GDA: variants seen among roughly 807,000 people sequenced by gnomAD.
GDA encodes the protein guanine deaminase, also known as cytoplasmic PSD-95 interactor.
Under a neutral mutation model 59.6 loss-of-function variants are expected in GDA, and 18 were observed. The observed-to-expected ratio is 0.30, with a 90% CI of 0.21 to 0.45. The LOEUF (loss-of-function observed/expected upper bound fraction) is 0.45. Ranked by LOEUF, GDA falls within the 20% of genes least tolerant of loss-of-function variation. GDA has a pLI of 1.00. For missense variants in GDA, 427 were observed against 552.3 expected, an observed-to-expected ratio of 0.77 and a Z score of 2.27; for synonymous variants, 201 against 201.1, an observed-to-expected ratio of 1.00 and a Z score of 0.00.
intron 3 of GDA, among the ~76,000 whole-genome samples, chr9:72,203,221 T>C (rs1425132727): frequency 6.6e-6 from 1 of 152,244 alleles, no homozygotes; most frequent in Non-Finnish European, 1.5e-5. Flanking sequence ...CTTAGAATAG[T>C]GCCTAGCACA....
At chr9:72,164,209 A>G (rs1254820796) in intron 1 of GDA, among the ~76,000 whole-genome samples, 1 of 152,212 alleles carries the variant, frequency 6.6e-6, no homozygotes, top group Non-Finnish European at 1.5e-5. Context: ...CAGGAACTAG[A>G]CTAATTCCTC....
chr9:72,144,885 T>C (rs1261210778), upstream of GDA, among the ~76,000 whole-genome samples: 1 of 151,564 alleles, frequency 6.6e-6, no homozygotes, highest in Admixed American at 6.6e-5. Context: ...ATTTTTGGTG[T>C]ATCTTTTTTT....
chr9:72,212,468 T>G (rs1379535424), intron 4 of GDA, among the ~76,000 whole-genome samples: 1 of 150,766 alleles, frequency 6.6e-6, no homozygotes, highest in East Asian at 1.9e-4. Flanking sequence ...GGCGACAGAG[T>G]GAGACGCCAC....
chr9:72,195,661 A>T, intron 2 of GDA, 73 bp downstream of exon 2: 1 of 537,788 alleles, frequency 1.9e-6, no homozygotes, highest in South Asian at 3.1e-5. Context: ...GCCTTGAGAG[A>T]CAGAGAGACT....
intron 1 of GDA, among the ~76,000 whole-genome samples, chr9:72,121,260 C>T (rs192578861): frequency 2.6e-5 from 4 of 152,086 alleles, no homozygotes; most frequent in East Asian, 1.9e-4. Flanking sequence ...ATGCAACATG[C>T]GTGTGGCAAA....
intron 5 of GDA, among the ~76,000 whole-genome samples, chr9:72,217,884 G>A (rs139423865): frequency 6.6e-6 from 1 of 151,734 alleles, no homozygotes; most frequent in East Asian, 1.9e-4. Flanking sequence ...ACAAGAAATT[G>A]TATTGGTTTA....
intron 1 of GDA, among the ~76,000 whole-genome samples, chr9:72,120,106 T>G (rs1251605487): frequency 6.6e-6 from 1 of 152,144 alleles, no homozygotes; most frequent in Non-Finnish European, 1.5e-5. Context: ...TAAAGATCAG[T>G]GTAAGTGCAC....
chr9:72,128,576 A>G (rs1378164169), intron 1 of GDA, among the ~76,000 whole-genome samples: 1 of 152,182 alleles, frequency 6.6e-6, no homozygotes, highest in Non-Finnish European at 1.5e-5. Flanking sequence ...TGTAACATAT[A>G]TATAATATCA....
chr9:72,243,813 G>T (rs1445611514), intron 11 of GDA, among the ~76,000 whole-genome samples: 4 of 152,152 alleles, frequency 2.6e-5, no homozygotes, highest in Admixed American at 6.5e-5. Flanking sequence ...GCCTAACAAA[G>T]GTAGTCGATT....
chr9:72,196,636 A>G (rs1379706070), intron 2 of GDA, among the ~76,000 whole-genome samples: 1 of 152,074 alleles, frequency 6.6e-6, no homozygotes, highest in African/African-American at 2.4e-5. Flanking sequence ...CAGGTTTGTT[A>G]CACAGGTATA....
intron 1 of GDA, among the ~76,000 whole-genome samples, chr9:72,119,767 T>G (rs977078970): frequency 6.6e-6 from 1 of 152,188 alleles, no homozygotes; most frequent in Non-Finnish European, 1.5e-5. Flanking sequence ...TTTTGGTAAA[T>G]AATGATGGCT....
At chr9:72,163,055 A>T (rs1352872489) in intron 1 of GDA, among the ~76,000 whole-genome samples, 2 of 152,196 alleles carry the variant, frequency 1.3e-5, no homozygotes, top group African/African-American at 4.8e-5. Flanking sequence ...TGAGTTAGAA[A>T]ATGACTGCAG....
At chr9:72,129,460 T>G (rs1473794408) in intron 1 of GDA, among the ~76,000 whole-genome samples, 1 of 152,144 alleles carries the variant, frequency 6.6e-6, no homozygotes, top group East Asian at 1.9e-4. Flanking sequence ...ATCCTCCAAC[T>G]GTTTCTACAG....
intron 2 of GDA, among the ~76,000 whole-genome samples, chr9:72,197,045 G>A (rs1008287587): frequency 6.6e-5 from 10 of 152,170 alleles, no homozygotes; most frequent in African/African-American, 1.7e-4. Context: ...TGACTTTCAC[G>A]TAATATAGAG....
chr9:72,207,234 T>A (rs994825252), intron 3 of GDA, among the ~76,000 whole-genome samples: 1 of 152,194 alleles, frequency 6.6e-6, no homozygotes, highest in African/African-American at 2.4e-5. Context: ...TTTCTCTTTC[T>A]CTTTCTCTCT....
chr9:72,133,308 A>AAATAATAATAATAATAAT (rs1554722433), intron 1 of GDA, among the ~76,000 whole-genome samples: 28 of 101,552 alleles, frequency 2.8e-4, no homozygotes, highest in East Asian at 1.7e-3. Flanking sequence ...AAAAAAAAAA[A>AAATAATAATAATAATAAT]AATAATAATA....
At chr9:72,202,411 G>A (rs1834107526) in intron 2 of GDA, among the ~76,000 whole-genome samples, 160 bp from the exon 3 acceptor site, 1 of 152,126 alleles carries the variant, frequency 6.6e-6, no homozygotes, top group Non-Finnish European at 1.5e-5. Flanking sequence ...TTTATGTCCT[G>A]ACCTCTAAAT....
At chr9:72,183,548 A>G (rs1831520208) in intron 1 of GDA, among the ~76,000 whole-genome samples, 1 of 152,252 alleles carries the variant, frequency 6.6e-6, no homozygotes, top group Non-Finnish European at 1.5e-5. Context: ...TATTACATGA[A>G]AAAATACATA....
At chr9:72,122,554 G>C (rs567179049) in intron 1 of GDA, among the ~76,000 whole-genome samples, 2 of 151,668 alleles carry the variant, frequency 1.3e-5, no homozygotes, top group Non-Finnish European at 2.9e-5. Context: ...AACACACTAT[G>C]TACACAAGAT....
Sources: allele counts gnomAD v4.1 joint callset (sites outside exome capture counted in the v4.1 genomes callset), GRCh38; gene constraint gnomAD v4.1.1; transcripts MANE v1.5; gene names NCBI Gene and HGNC (gene_info 2026-07-23, HGNC 2026-07-21).